The following GINM1 variants were observed in gnomAD, a reference collection of about 807,000 sequenced individuals.
The protein encoded by GINM1 is glycosylated integral membrane protein 1.
In GINM1, 29 loss-of-function variants were observed where a neutral mutation model predicts 37.8. That is an observed-to-expected ratio of 0.77 (90% CI 0.57 to 1.05). GINM1 has a LOEUF of 1.05. GINM1 is among the 50% of genes least tolerant of loss of function. The pLI, the probability that GINM1 is intolerant of heterozygous loss-of-function variation, is 0.00. For missense variants in GINM1, 377 were observed against 397.9 expected, an observed-to-expected ratio of 0.95 and a Z score of 0.45; for synonymous variants, 143 against 146.2, an observed-to-expected ratio of 0.98 and a Z score of 0.16.
intron 7 of GINM1, among the ~76,000 whole-genome samples, chr6:149,588,150 G>A (rs1203113542): frequency 6.6e-6 from 1 of 152,150 alleles, no homozygotes; most frequent in Non-Finnish European, 1.5e-5. Context: ...ATTCCTAAAA[G>A]TAAAATTACT....
chr6:149,568,030 G>T (rs1372985881), intron 1 of GINM1, among the ~76,000 whole-genome samples: 1 of 152,230 alleles, frequency 6.6e-6, no homozygotes, highest in African/African-American at 2.4e-5. Context: ...ATTGTCGGCT[G>T]GCTCTTAGTG....
Position 149,590,871 on chromosome 6 carries a change from C to G in GINM1, c.*33C>G, listed in dbSNP as rs368616192. The G allele has an allele frequency of 1.1e-3, 1,048 of 973,790 alleles. 2 individuals are homozygous for G. The highest frequency in any genetic ancestry group is 1.9e-3 in the Middle Eastern group (9 of 4,702). The allele number at this position is 973,790 out of a possible 1,614,324, so 60.3% of individuals were successfully genotyped here. ...TCTCATATCATGGACTCCGAAGTAG[C>G]CTGTTGCCTCCAAATTTGCCACTTG... On this transcript the variant is annotated 3_prime_UTR_variant, in exon 8 of 8. Coordinates refer to ENST00000367419, the MANE Select transcript of GINM1 (RefSeq NM_138785.5).
intron 3 of GINM1, among the ~76,000 whole-genome samples, chr6:149,578,587 G>T (rs113795517): frequency 9.6e-4 from 143 of 149,342 alleles, no homozygotes; most frequent in African/African-American, 2.9e-3. Flanking sequence ...TTCATACAAA[G>T]TCTAAAGATC....
chr6:149,583,436 C>A (rs1363572365), intron 7 of GINM1, among the ~76,000 whole-genome samples: 1 of 152,054 alleles, frequency 6.6e-6, no homozygotes, highest in Non-Finnish European at 1.5e-5. Flanking sequence ...GCACTCCAGT[C>A]TGGGCGACAG....
In GINM1 at chr6:149,566,629, G is replaced by T. The variant is rs1777722355; in HGVS notation, c.120+95G>T. 7.3e-7 allele frequency: 1 copy of T among 1,366,434 alleles called. No individual in the cohort carries two copies. Among genetic ancestry groups the T allele is most frequent in the Middle Eastern group, 2.0e-4 (1 of 5,114 alleles). 84.6% of individuals were successfully genotyped at this position (1,366,434 alleles called of 1,614,324 possible). On this transcript the variant is annotated intron_variant, in intron 1 of 7. Transcript: ENST00000367419. The surrounding 1 kb of genome is among the most constrained non-coding windows in gnomAD (Gnocchi z 4.4). ...TGACGCTTCCCACATCCCACCGGCG[G>T]GCAGGGGCGGGGGTCCGGGCCCCCG...
rs903336589 is a variant in GINM1, at chr6:149,566,940, T to A, written c.120+406T>A. Among the ~76,000 whole-genome samples, 2 of 152,250 alleles carry A rather than the reference T, an allele frequency of 1.3e-5. No homozygotes were observed. The highest frequency in any genetic ancestry group is 2.4e-5 in the African/African-American group (1 of 41,466). ...GTGTGGAAGTTGCCCACTTCGCGCA[T>A]TTCCAGGCCACTTGTGCCTGCTCGG... On this transcript the variant is annotated intron_variant, in intron 1 of 7. Transcript: ENST00000367419. This position sits in a 1 kb window ranked among gnomAD's most constrained non-coding sequence, Gnocchi z 4.4.
intron 3 of GINM1, among the ~76,000 whole-genome samples, chr6:149,575,709 A>C (rs1777904118): frequency 6.6e-6 from 1 of 152,170 alleles, no homozygotes; most frequent in Non-Finnish European, 1.5e-5. Context: ...CAAGTGGTTC[A>C]TTGCAAGAGG....
chr6:149,587,568 A>G (rs1343382698), intron 7 of GINM1, among the ~76,000 whole-genome samples: 1 of 152,192 alleles, frequency 6.6e-6, no homozygotes, highest in Non-Finnish European at 1.5e-5. Context: ...GGAAACATGA[A>G]GAGGCAGATG....
At chr6:149,571,403 A>T (rs1777820516) in intron 1 of GINM1, among the ~76,000 whole-genome samples, 1 of 152,204 alleles carries the variant, frequency 6.6e-6, no homozygotes, top group South Asian at 2.1e-4. Flanking sequence ...TAGAATAAAT[A>T]AGTAAATTGG....
At position 149,566,375 on chromosome 6, in the gene GINM1, A is replaced by C. The variant is rs1582729134; in HGVS notation, c.-40A>C. 3 of 1,370,658 alleles carry C rather than the reference A, an allele frequency of 2.2e-6. No individual in the cohort carries two copies. The highest frequency in any genetic ancestry group is 3.3e-5 in the African/African-American group (2 of 60,666). The allele number at this position is 1,370,658 out of a possible 1,614,324, so 84.9% of individuals were successfully genotyped here. ...CCGCCCGCGGGCCGGCTCCGCCCTC[A>C]CCTCCCGGCCGCGGCTGCCCTCTGC... On this transcript the variant is annotated 5_prime_UTR_variant, in exon 1 of 8. Coordinates refer to ENST00000367419, the MANE Select transcript of GINM1 (RefSeq NM_138785.5). The surrounding 1 kb of genome is among the most constrained non-coding windows in gnomAD (Gnocchi z 4.4).
At chr6:149,588,795 T>TTCGTTGTTGTTGTTGTTGTTGTTG (rs1554219905) in intron 7 of GINM1, among the ~76,000 whole-genome samples, 1 of 150,848 alleles carries the variant, frequency 6.6e-6, no homozygotes, top group African/African-American at 2.4e-5. Context: ...GCCTGGCTAA[T>TTCGTTGTTGTTGTTGTTGTTGTTG]TTGTTGTTGT....
chr6:149,569,226 G>A (rs1777770731), intron 1 of GINM1, among the ~76,000 whole-genome samples: 1 of 151,730 alleles, frequency 6.6e-6, no homozygotes, highest in Admixed American at 6.6e-5. Flanking sequence ...AGTAGAGATG[G>A]GGTTTCACCA....
At chr6:149,588,273 C>T (rs951251200) in intron 7 of GINM1, among the ~76,000 whole-genome samples, 3 of 152,090 alleles carry the variant, frequency 2.0e-5, no homozygotes, top group African/African-American at 7.2e-5. Context: ...AGCATCTTTG[C>T]TAGTTTAGGT....
chr6:149,590,186 T>C (rs903014221), intron 7 of GINM1, among the ~76,000 whole-genome samples: 6 of 152,210 alleles, frequency 3.9e-5, no homozygotes, highest in Non-Finnish European at 7.3e-5. Flanking sequence ...AAAAATCTTA[T>C]GGCTGTTCTT....
In GINM1 at chr6:149,566,822, G is replaced by T. The variant is rs1230571223; in HGVS notation, c.120+288G>T. 6.6e-6 allele frequency among the ~76,000 whole-genome samples: 1 copy of T among 152,240 alleles called. No individual in the cohort carries two copies. The highest frequency in any genetic ancestry group is 1.5e-5 in the Non-Finnish European group (1 of 68,030). Reference sequence around the variant, plus strand: ...CGCGACCTGACGGGGCTTTGCCGTCGAAGCGCGCGGTTGCCGGTGATCAGG... The same window carrying T: ...CGCGACCTGACGGGGCTTTGCCGTCTAAGCGCGCGGTTGCCGGTGATCAGG... On this transcript the variant is annotated intron_variant, in intron 1 of 7. Transcript: ENST00000367419. The surrounding 1 kb of genome is among the most constrained non-coding windows in gnomAD (Gnocchi z 4.4).
At chr6:149,569,591 G>T (rs913919588) in intron 1 of GINM1, among the ~76,000 whole-genome samples, 10 of 152,124 alleles carry the variant, frequency 6.6e-5, no homozygotes, top group Non-Finnish European at 1.3e-4. Context: ...ACCCGCCTCA[G>T]CCTCCCAAAG....
Position 149,579,937 on chromosome 6 carries a change from C to T in GINM1, c.533C>T (p.Ser178Phe). The change falls in exon 5 of 8, where the codon TCT (serine) becomes TTT (phenylalanine). Residue 178 changes from serine to phenylalanine, a missense_variant. Physicochemically the swap from Ser to Phe is radical, Grantham distance 155. Transcript: ENST00000367419. The part of the protein sequence containing the change: ...TLPLEESMLY[S>F]ISRDSDILFT... ...CCTTTGGAAGAAAGCATGCTCTACT[C>T]TATTTCTCGAGACAGTGACATTTTA... 6.2e-7 allele frequency: 1 copy of T among 1,610,810 alleles called. No homozygotes were observed. Among genetic ancestry groups the T allele is most frequent in the South Asian group, 1.1e-5 (1 of 90,836 alleles).
chr6:149,588,577 C>T (rs1256889463), intron 7 of GINM1, among the ~76,000 whole-genome samples: 3 of 152,154 alleles, frequency 2.0e-5, no homozygotes, highest in African/African-American at 4.8e-5. Context: ...ATTTTGCCTA[C>T]TAAGTAGGCC....
At chr6:149,590,049 C>T (rs1316463726) in intron 7 of GINM1, among the ~76,000 whole-genome samples, 4 of 152,096 alleles carry the variant, frequency 2.6e-5, no homozygotes, top group African/African-American at 7.2e-5. Flanking sequence ...GTGATCTGCC[C>T]GCCTTGGCCT....
Sources: allele counts gnomAD v4.1 joint callset (sites outside exome capture counted in the v4.1 genomes callset), GRCh38; gene constraint gnomAD v4.1.1; non-coding constraint Gnocchi (gnomAD v3.1); transcripts MANE v1.5; gene names NCBI Gene and HGNC (gene_info 2026-07-23, HGNC 2026-07-21).